DCAF8L2: variants seen among roughly 807,000 people sequenced by gnomAD.
DCAF8L2 encodes DDB1- and CUL4-associated factor 8-like protein 2.
For missense variants in DCAF8L2, 430 were observed against 490.7 expected (o/e 0.88, Z 1.17); for synonymous variants, 200 against 190.9 (o/e 1.05, Z -0.39).
At chrX:27,488,637 A>G in the DCAF8L2 span, among the ~76,000 whole-genome samples, 1 of 106,956 alleles carries the variant, frequency 9.3e-6, no homozygotes, top group Non-Finnish European at 1.9e-5. Context: ...TTGTCCTCCC[A>G]CTTGGTGTTT....
At chrX:27,565,595 G>GT in the DCAF8L2 span, among the ~76,000 whole-genome samples, 74 of 111,438 alleles carry the variant, frequency 6.6e-4, no homozygotes, top group African/African-American at 2.3e-3. Context: ...TCATTTTTCT[G>GT]TTTTTTTGGA....
chrX:27,603,507 G>A (rs1433779624), intron 1 of DCAF8L2, among the ~76,000 whole-genome samples: 6 of 111,460 alleles, frequency 5.4e-5, no homozygotes, highest in Admixed American at 2.9e-4. Context: ...ATATAAAATC[G>A]CACTAAATAC....
At chrX:27,736,094 A>G (rs1321156332) in intron 4 of DCAF8L2, among the ~76,000 whole-genome samples, 1 of 111,174 alleles carries the variant, frequency 9.0e-6, no homozygotes, top group African/African-American at 3.3e-5. Flanking sequence ...ATTCATATTC[A>G]AAATGAAACC....
At chrX:27,540,857 TTA>T in the DCAF8L2 span, among the ~76,000 whole-genome samples, 3 of 111,964 alleles carry the variant, frequency 2.7e-5, no homozygotes, top group African/African-American at 9.7e-5. Context: ...TGTACAATTA[TTA>T]TGTGTTAATT....
the DCAF8L2 span, among the ~76,000 whole-genome samples, chrX:27,514,241 A>ACATATGTACATATATGTGTGCATATGTG: frequency 2.3e-5 from 1 of 43,149 alleles, no homozygotes; most frequent in Non-Finnish European, 4.5e-5. Context: ...GTGCATATGT[A>ACATATGTACATATATGTGTGCATATGTG]CACATATGTA....
intron 3 of DCAF8L2, among the ~76,000 whole-genome samples, chrX:27,689,087 C>A (rs1930615028): frequency 1.8e-5 from 2 of 112,207 alleles, no homozygotes; most frequent in South Asian, 7.3e-4. Context: ...ATCATTCCCC[C>A]TTTTATCAGT....
chrX:27,624,819 T>G (rs1211159892), intron 1 of DCAF8L2, among the ~76,000 whole-genome samples: 1 of 111,487 alleles, frequency 9.0e-6, no homozygotes, highest in Non-Finnish European at 1.9e-5. Context: ...AAATTGAAAT[T>G]GATCCCTTCC....
At chrX:27,525,904 C>G in the DCAF8L2 span, among the ~76,000 whole-genome samples, 1 of 112,195 alleles carries the variant, frequency 8.9e-6, no homozygotes, top group East Asian at 2.8e-4. Context: ...AGCTGTTAGT[C>G]TGATGGGCTT....
the DCAF8L2 span, among the ~76,000 whole-genome samples, chrX:27,563,088 C>A: frequency 9.0e-6 from 1 of 111,313 alleles, no homozygotes; most frequent in African/African-American, 3.3e-5. Flanking sequence ...CGGTTATATT[C>A]TTATTTGCAT....
chrX:27,596,110 G>T (rs1926347176), intron 1 of DCAF8L2, among the ~76,000 whole-genome samples: 1 of 112,120 alleles, frequency 8.9e-6, no homozygotes, highest in African/African-American at 3.2e-5. Flanking sequence ...ATATTGTGGG[G>T]TTTTTTGAAA....
rs183962907 is a variant in DCAF8L2 at position 27,693,426 on chromosome X, A to C, written c.-143+15514A>C. 4.0e-3 allele frequency among the ~76,000 whole-genome samples: 451 copies of C among 111,619 alleles called. 1 individual carries two copies. Among genetic ancestry groups the C allele is most frequent in the African/African-American group, 0.014 (428 of 30,816 alleles). On this transcript the variant is annotated intron_variant, in intron 3 of 4. Coordinates refer to ENST00000451261, the MANE Select transcript of DCAF8L2 (RefSeq NM_001353450.2). ...ACTAGTCTTCATATTAGAATGATTC[A>C]GGTTTTCTCACCTGATATATAACTT...
At chrX:27,732,292 C>T (rs1483274471) in intron 4 of DCAF8L2, among the ~76,000 whole-genome samples, 2 of 111,161 alleles carry the variant, frequency 1.8e-5, no homozygotes, top group African/African-American at 6.6e-5. Context: ...CCTTCTCCCA[C>T]CTACCCTGGT....
chrX:27,585,617 GT>G (rs759594782), upstream of DCAF8L2, among the ~76,000 whole-genome samples: 6 of 112,049 alleles, frequency 5.4e-5, no homozygotes, highest in Non-Finnish European at 1.1e-4. Context: ...GGATATTTCT[GT>G]TTAAGTATCA....
intron 1 of DCAF8L2, among the ~76,000 whole-genome samples, chrX:27,591,085 A>G (rs189060457): frequency 2.8e-3 from 294 of 105,965 alleles, no homozygotes; most frequent in African/African-American, 9.0e-3. Context: ...CAGTAGGACT[A>G]TATTTGGTAT....
the DCAF8L2 span, among the ~76,000 whole-genome samples, chrX:27,502,528 G>A: frequency 1.1e-4 from 12 of 104,370 alleles, no homozygotes; most frequent in Non-Finnish European, 2.2e-4. Context: ...CAGTTACTAA[G>A]TTAATATCTA....
At chrX:27,667,259 T>A (rs1254833692) in intron 2 of DCAF8L2, among the ~76,000 whole-genome samples, 2 of 111,782 alleles carry the variant, frequency 1.8e-5, no homozygotes, top group African/African-American at 6.5e-5. Context: ...GTTGGTTCTT[T>A]ATTTTGTTGT....
At chrX:27,584,028 G>T in the DCAF8L2 span, among the ~76,000 whole-genome samples, 2 of 111,689 alleles carry the variant, frequency 1.8e-5, no homozygotes, top group Non-Finnish European at 3.8e-5. Flanking sequence ...TAGCAGCTGA[G>T]TATCCTTGAA....
intron 4 of DCAF8L2, among the ~76,000 whole-genome samples, chrX:27,719,680 A>G (rs780082686): frequency 9.0e-6 from 1 of 111,077 alleles, no homozygotes; most frequent in African/African-American, 3.3e-5. Context: ...TCTGACCTCA[A>G]GTGATCCGCA....
intron 1 of DCAF8L2, among the ~76,000 whole-genome samples, chrX:27,631,178 T>C (rs761605819): frequency 3.6e-4 from 40 of 111,788 alleles, no homozygotes; most frequent in Non-Finnish European, 6.0e-4. Context: ...AGAAAAAGCA[T>C]TGGAAATAAT....
Sources: allele counts gnomAD v4.1 joint callset (sites outside exome capture counted in the v4.1 genomes callset), GRCh38; gene constraint gnomAD v4.1.1; transcripts MANE v1.5; gene names NCBI Gene and HGNC (gene_info 2026-07-23, HGNC 2026-07-21).